HK1: variants seen among roughly 807,000 people sequenced by gnomAD.
The protein encoded by HK1 is hexokinase-1.
HK1 carries 28 observed loss-of-function variants against 91.6 expected under a neutral mutation model. The observed-to-expected ratio is 0.31, with a 90% CI of 0.23 to 0.42. The LOEUF (loss-of-function observed/expected upper bound fraction) is 0.42. Among genes scored for constraint, HK1 ranks in the 10% least tolerant of loss-of-function variants. HK1 has a pLI of 1.00. For synonymous variants in HK1, 430 were observed against 468.1 expected (o/e 0.92, Z 1.05); for missense variants, 770 against 1,219.8 (o/e 0.63, Z 5.49).
chr10:69,296,939 G>A (rs948146971), intron 4 of HK1, among the ~76,000 whole-genome samples: 11 of 152,172 alleles, frequency 7.2e-5, no homozygotes, highest in African/African-American at 2.7e-4. Flanking sequence ...GGGCATAAGT[G>A]TAGTGAGACC....
In HK1 at chr10:69,272,155, C is replaced by T. The variant is rs116363311; in HGVS notation, c.-391+2047C>T. ...CTGGGATTATAGGCGTGAACCACTG[C>T]GCCTGACCCAATATATTTGTGATTT... On this transcript the variant is annotated intron_variant, in intron 1 of 21. Coordinates refer to the HK1 transcript ENST00000360289. Among the ~76,000 whole-genome samples the T allele has an allele frequency of 4.7e-3, 715 of 152,338 alleles. 5 individuals carry two copies. The highest frequency in any genetic ancestry group is 0.016 in the African/African-American group (672 of 41,572).
chr10:69,315,645 C>T (rs776289205), upstream of HK1: 21 of 449,170 alleles, frequency 4.7e-5, no homozygotes, highest in African/African-American at 8.0e-5. Context: ...AGCACTGGAA[C>T]AACAGAGAGG....
Position 69,319,028 on chromosome 10 carries a change from C to G in HK1, c.63+18C>G. On this transcript the variant is annotated intron_variant, in intron 1 of 17. Coordinates refer to ENST00000359426, the MANE Select transcript of HK1 (RefSeq NM_000188.3). ...TCAAAAAGGTGAGCCCCCGCCCGCG[C>G]CGCCGCTGGTCCTGGCCGCAGCCTT... The G allele has an allele frequency of 6.3e-7, 1 of 1,590,664 alleles. No individual in the cohort carries two copies.
At chr10:69,365,666 C>T (rs1013968740) in intron 4 of HK1, among the ~76,000 whole-genome samples, 2 of 152,034 alleles carry the variant, frequency 1.3e-5, no homozygotes, top group African/African-American at 4.8e-5. Flanking sequence ...TCACTTAAGT[C>T]CAGGAGTTCA....
At chr10:69,387,571 G>T (rs375593728) in intron 13 of HK1, among the ~76,000 whole-genome samples, 5 of 152,034 alleles carry the variant, frequency 3.3e-5, no homozygotes, top group African/African-American at 1.2e-4. Context: ...TTAAATAGAG[G>T]TGGGGTCTTG....
At chr10:69,278,344 C>T (rs2132419666) in intron 1 of HK1, among the ~76,000 whole-genome samples, 1 of 152,272 alleles carries the variant, frequency 6.6e-6, no homozygotes, top group East Asian at 1.9e-4. Flanking sequence ...TTTTTGAGGG[C>T]TCTGTAGTTC....
At chr10:69,368,787 G>A (rs1849837548) in intron 5 of HK1, among the ~76,000 whole-genome samples, 156 bp downstream of exon 5, 1 of 152,130 alleles carries the variant, frequency 6.6e-6, no homozygotes, top group Non-Finnish European at 1.5e-5. Context: ...GGAATGATGA[G>A]GATGGGGATG....
At chr10:69,274,705 T>C (rs1341704759) in intron 1 of HK1, among the ~76,000 whole-genome samples, 1 of 152,120 alleles carries the variant, frequency 6.6e-6, no homozygotes, top group Admixed American at 6.6e-5. Flanking sequence ...ATAGGGTATC[T>C]TTCTCTGAAT....
At chr10:69,322,739 A>T (rs1847112125) in intron 1 of HK1, among the ~76,000 whole-genome samples, 1 of 151,784 alleles carries the variant, frequency 6.6e-6, no homozygotes, top group Non-Finnish European at 1.5e-5. Context: ...AAAAATACAA[A>T]ATTAGCTGGG....
At chr10:69,315,936 A>C, upstream of HK1, 1 of 1,613,314 alleles carries the variant, frequency 6.2e-7, no homozygotes. Flanking sequence ...TGTAAAGAGG[A>C]GTCTGGGTGT....
At chr10:69,309,102 G>C (rs1016073536) in intron 5 of HK1, among the ~76,000 whole-genome samples, 1 of 152,140 alleles carries the variant, frequency 6.6e-6, no homozygotes, top group African/African-American at 2.4e-5. Flanking sequence ...TTGAGCCCAG[G>C]AGTTCGAGAT....
chr10:69,347,204 T>C (rs1183838079), intron 2 of HK1, among the ~76,000 whole-genome samples: 1 of 151,920 alleles, frequency 6.6e-6, no homozygotes, highest in Non-Finnish European at 1.5e-5. Flanking sequence ...AGAGACGGGG[T>C]TTTGCCATGT....
Position 69,344,009 on chromosome 10 carries a change from A to G in HK1, c.226+20A>G, listed in dbSNP as rs1306391073. Reference sequence around the variant, plus strand: ...GCTCTGGTAAGTCTGTCACCCAGAGATTGAACCCTGAGGGCTAAATGTTCT... The same window carrying G: ...GCTCTGGTAAGTCTGTCACCCAGAGGTTGAACCCTGAGGGCTAAATGTTCT... On this transcript the variant is annotated intron_variant, in intron 2 of 17. Transcript: ENST00000359426. The G allele has an allele frequency of 6.2e-7, 1 of 1,612,530 alleles. No individual in the cohort carries two copies. The highest frequency in any genetic ancestry group is 1.1e-5 in the South Asian group (1 of 91,036).
intron 1 of HK1, among the ~76,000 whole-genome samples, chr10:69,324,524 G>A (rs1433727565): frequency 2.0e-5 from 3 of 152,136 alleles, no homozygotes; most frequent in African/African-American, 4.8e-5. Flanking sequence ...CCTGGGAGGC[G>A]GAGGTTGCAG....
At chr10:69,361,242 C>G (rs7895704) in intron 3 of HK1, among the ~76,000 whole-genome samples, 7,297 of 152,306 alleles carry the variant, frequency 0.048, 587 homozygotes, top group African/African-American at 0.17. Context: ...TAGTAGGCCA[C>G]CAAAGCTGGG....
chr10:69,273,510 C>A (rs1844284619), intron 1 of HK1, among the ~76,000 whole-genome samples: 1 of 152,214 alleles, frequency 6.6e-6, no homozygotes, highest in African/African-American at 2.4e-5. Flanking sequence ...GCCACCGCTC[C>A]CAGCCTAACT....
chr10:69,286,217 G>A (rs1845025742), intron 2 of HK1, among the ~76,000 whole-genome samples: 2 of 152,168 alleles, frequency 1.3e-5, no homozygotes, highest in Non-Finnish European at 2.9e-5. Flanking sequence ...ATAAATTATA[G>A]CTGAGTACAG....
In HK1 at chr10:69,337,144, A is replaced by G. The variant is rs565853885; in HGVS notation, c.64-6683A>G. Reference sequence around the variant, plus strand: ...CTCAGAGAGATTAAGTAACTTGTCCAAAGTCACACAGCTAATAAATCGGAT... The same window carrying G: ...CTCAGAGAGATTAAGTAACTTGTCCGAAGTCACACAGCTAATAAATCGGAT... On this transcript the variant is annotated intron_variant, in intron 1 of 17. Transcript: ENST00000359426. Among the ~76,000 whole-genome samples the G allele has an allele frequency of 2.6e-5, 4 of 152,340 alleles. No homozygotes were observed. In the East Asian group the frequency reaches 7.7e-4, roughly 29 times the overall value.
At chr10:69,345,784 C>T (rs550924192) in intron 2 of HK1, among the ~76,000 whole-genome samples, 1 of 152,144 alleles carries the variant, frequency 6.6e-6, no homozygotes, top group Non-Finnish European at 1.5e-5. Flanking sequence ...CAAACTGTTT[C>T]CAGGATTGAG....
Sources: allele counts gnomAD v4.1 joint callset (sites outside exome capture counted in the v4.1 genomes callset), GRCh38; gene constraint gnomAD v4.1.1; transcripts MANE v1.5; gene names NCBI Gene and HGNC (gene_info 2026-07-23, HGNC 2026-07-21).